The following UBE2E2 variants were observed in gnomAD, a reference collection of about 807,000 sequenced individuals.
UBE2E2 encodes ubiquitin-conjugating enzyme E2 E2.
Under a neutral mutation model 24.7 loss-of-function variants are expected in UBE2E2, and 6 were observed. The observed-to-expected ratio is 0.24, with a 90% confidence interval of 0.13 to 0.48. The LOEUF (loss-of-function observed/expected upper bound fraction) is 0.48, where lower values mean the gene tolerates loss of function less well. Among genes scored for constraint, UBE2E2 ranks in the 20% least tolerant of loss-of-function variants. The pLI, the probability that UBE2E2 is intolerant of heterozygous loss-of-function variation, is 0.99. For synonymous variants in UBE2E2, 104 were observed against 83.6 expected, an observed-to-expected ratio of 1.24 and a Z score of -1.33; for missense variants, 169 against 245.0, an observed-to-expected ratio of 0.69 and a Z score of 2.07.
chr3:23,509,026 G>C (rs1694523900), intron 4 of UBE2E2, among the ~76,000 whole-genome samples: 2 of 152,148 alleles, frequency 1.3e-5, no homozygotes, highest in Admixed American at 1.3e-4. Flanking sequence ...GAAGGGTAGG[G>C]TAACTCCTCC....
At chr3:23,204,736 G>A (rs1696099385) in intron 1 of UBE2E2, 10 of 985,378 alleles carry the variant, frequency 1.0e-5, no homozygotes, top group Non-Finnish European at 1.1e-5. Context: ...CTGCATAAAT[G>A]TCTTTGCAGT....
At chr3:23,262,278 T>C (rs1265910086) in intron 3 of UBE2E2, among the ~76,000 whole-genome samples, 3 of 152,204 alleles carry the variant, frequency 2.0e-5, no homozygotes, top group African/African-American at 7.2e-5. Context: ...TTCAGGGCTC[T>C]TACCAATTTT....
intron 5 of UBE2E2, among the ~76,000 whole-genome samples, chr3:23,538,759 T>G (rs1232795040): frequency 2.6e-5 from 4 of 152,128 alleles, no homozygotes; most frequent in African/African-American, 9.7e-5. Context: ...TGTACCATCA[T>G]AAATTTGGTT....
At chr3:23,218,335 A>G (rs937952094) in intron 3 of UBE2E2, among the ~76,000 whole-genome samples, 4 of 152,164 alleles carry the variant, frequency 2.6e-5, no homozygotes, top group African/African-American at 4.8e-5. Flanking sequence ...TTTCACTCAA[A>G]TAGAACAAAT....
intron 3 of UBE2E2, among the ~76,000 whole-genome samples, chr3:23,379,275 G>A (rs1186046554): frequency 1.3e-5 from 2 of 150,266 alleles, no homozygotes; most frequent in Non-Finnish European, 3.0e-5. Flanking sequence ...TTAAGTTTTA[G>A]GGTACATGTG....
At position 23,297,657 on chromosome 3, in the gene UBE2E2, G is replaced by T. The variant is rs948099351; in HGVS notation, c.227+80345G>T. Among the ~76,000 whole-genome samples, 5 of 152,180 alleles carry T rather than the reference G, an allele frequency of 3.3e-5. No individual in the cohort carries two copies. The East Asian group carries it at 9.6e-4, about 29-fold the overall frequency. On this transcript the variant is annotated intron_variant, in intron 3 of 5. Transcript: ENST00000396703. ...TTCCATTGGTCTATATCTCTGTTTT[G>T]GTACCAGTACCATGCTGTTTTGGTT... is the stretch of plus-strand genomic sequence containing the variant.
chr3:23,282,361 C>T (rs1260033460), intron 3 of UBE2E2, among the ~76,000 whole-genome samples: 2 of 152,114 alleles, frequency 1.3e-5, no homozygotes, highest in Non-Finnish European at 2.9e-5. Flanking sequence ...GTCTTACCTG[C>T]TAATAAAATT....
intron 3 of UBE2E2, among the ~76,000 whole-genome samples, chr3:23,264,532 T>C (rs1422406600): frequency 6.6e-6 from 1 of 152,130 alleles, no homozygotes; most frequent in African/African-American, 2.4e-5. Context: ...CTTTGAGTTT[T>C]TAATGGGACT....
Position 23,558,768 on chromosome 3 carries a change from G to A in UBE2E2, c.508+26067G>A, listed in dbSNP as rs148228292. Among the ~76,000 whole-genome samples the A allele has an allele frequency of 1.4e-3, 214 of 152,232 alleles. 5 individuals carry two copies. In the East Asian group the frequency reaches 0.015, roughly 11 times the overall value. ...TCTTCACTGAAATCTGTTCATCTCA[G>A]TGTTATTTATTGCCAGGCACAGTGG... On this transcript the variant is annotated intron_variant, in intron 5 of 5. Coordinates refer to ENST00000396703, the MANE Select transcript of UBE2E2 (RefSeq NM_152653.4).
At chr3:23,568,695 AC>A in intron 5 of UBE2E2, among the ~76,000 whole-genome samples, 1 of 94,452 alleles carries the variant, frequency 1.1e-5, no homozygotes. Context: ...ATATATACAC[AC>A]ATATATATAT....
rs191097167 is a variant in UBE2E2 at position 23,534,447 on chromosome 3, T to C, written c.508+1746T>C. ...AGAAATAGATTTTGAAATAATGCTA[T>C]TGATAGTAAGAACAAGCCTAAAAAT... On this transcript the variant is annotated intron_variant, in intron 5 of 5. Transcript: ENST00000396703. 3.8e-3 allele frequency among the ~76,000 whole-genome samples: 582 copies of C among 152,248 alleles called. 12 individuals are homozygous for C. Among genetic ancestry groups the C allele is most frequent in the Admixed American group, 0.037 (562 of 15,284 alleles).
chr3:23,503,724 C>T (rs1310155472), intron 4 of UBE2E2, among the ~76,000 whole-genome samples: 4 of 151,814 alleles, frequency 2.6e-5, no homozygotes, highest in African/African-American at 9.7e-5. Context: ...CATGGTGACT[C>T]ACACTTGTAA....
At chr3:23,413,176 C>G (rs1028379744) in intron 3 of UBE2E2, among the ~76,000 whole-genome samples, 11 of 149,286 alleles carry the variant, frequency 7.4e-5, no homozygotes, top group Non-Finnish European at 1.5e-4. Flanking sequence ...TGCACATGTA[C>G]CCTAAAACTT....
chr3:23,298,689 C>T (rs1296015600), intron 3 of UBE2E2, among the ~76,000 whole-genome samples: 8 of 151,792 alleles, frequency 5.3e-5, no homozygotes, highest in Middle Eastern at 3.4e-3. Context: ...ATTCGGTTTG[C>T]CAGTATTTTA....
intron 3 of UBE2E2, among the ~76,000 whole-genome samples, chr3:23,328,320 A>T (rs986867967): frequency 1.3e-5 from 2 of 152,178 alleles, no homozygotes; most frequent in Non-Finnish European, 2.9e-5. Context: ...TTAGATTTAA[A>T]TTTTTTTGAC....
At chr3:23,437,838 C>T (rs1388608602) in intron 3 of UBE2E2, among the ~76,000 whole-genome samples, 1 of 152,172 alleles carries the variant, frequency 6.6e-6, no homozygotes. Context: ...GCATTGTGTG[C>T]CGCACACAGG....
chr3:23,364,101 G>A (rs181559575), intron 3 of UBE2E2, among the ~76,000 whole-genome samples: 1 of 152,000 alleles, frequency 6.6e-6, no homozygotes, highest in African/African-American at 2.4e-5. Flanking sequence ...GAATCTCTGG[G>A]GCACAACTAA....
chr3:23,232,396 C>T (rs777157386), intron 3 of UBE2E2, among the ~76,000 whole-genome samples: 8 of 152,194 alleles, frequency 5.3e-5, no homozygotes, highest in Admixed American at 3.3e-4. Flanking sequence ...AAAAATATTA[C>T]TGTTAATCAA....
At chr3:23,256,459 T>G (rs1033922958) in intron 3 of UBE2E2, among the ~76,000 whole-genome samples, 1 of 141,448 alleles carries the variant, frequency 7.1e-6, no homozygotes, top group African/African-American at 2.5e-5. Flanking sequence ...AACTTTTGCA[T>G]TGTAATTTTT....
Sources: allele counts gnomAD v4.1 joint callset (sites outside exome capture counted in the v4.1 genomes callset), GRCh38; gene constraint gnomAD v4.1.1; transcripts MANE v1.5; gene names NCBI Gene and HGNC (gene_info 2026-07-23, HGNC 2026-07-21).